Variants in ABHD3 observed in about 807,000 individuals in gnomAD.
ABHD3 encodes the protein phospholipase ABHD3.
A neutral mutation model predicts 48.8 loss-of-function variants in ABHD3; 46 were observed. That is an observed-to-expected ratio of 0.94 (90% confidence interval 0.74 to 1.20). ABHD3 has a LOEUF of 1.20. Among genes scored for constraint, ABHD3 ranks in the 50% most tolerant of loss-of-function variants. The probability of loss-of-function intolerance (pLI) is 0.00; values close to 1 mark genes in which losing one functional copy is unlikely to be tolerated. For missense variants in ABHD3, 490 were observed against 497.8 expected, an observed-to-expected ratio of 0.98 and a Z score of 0.15; for synonymous variants, 192 against 183.7, an observed-to-expected ratio of 1.04 and a Z score of -0.36.
rs372339250 is a variant in ABHD3 at position 21,692,510 on chromosome 18, G to A, written c.510-8545C>T. Among the ~76,000 whole-genome samples the A allele has an allele frequency of 5.7e-4, 84 of 148,166 alleles. 2 individuals carry two copies. The South Asian group carries it at 0.019, about 33-fold the overall frequency. On this transcript the variant is annotated intron_variant, in intron 3 of 8. Transcript: ENST00000289119. Reference sequence around the variant, plus strand: ...TTCTTGCTGATCATAAGTTCTAAGCGGCCCTATGAATTTTTTTAAAAAAAG... The same window carrying A: ...TTCTTGCTGATCATAAGTTCTAAGCAGCCCTATGAATTTTTTTAAAAAAAG...
intron 3 of ABHD3, among the ~76,000 whole-genome samples, chr18:21,697,706 T>C (rs1168593546): frequency 6.6e-6 from 1 of 152,206 alleles, no homozygotes; most frequent in Non-Finnish European, 1.5e-5. Flanking sequence ...TTGACTTACA[T>C]AGTAAAGCGT....
chr18:21,667,889 G>A (rs893325739), intron 4 of ABHD3, among the ~76,000 whole-genome samples: 4 of 152,012 alleles, frequency 2.6e-5, no homozygotes, highest in Non-Finnish European at 4.4e-5. Context: ...CAAATTCAAC[G>A]TAAAATCTAA....
intron 5 of ABHD3, among the ~76,000 whole-genome samples, chr18:21,661,592 C>T (rs189401527): frequency 3.9e-5 from 6 of 152,108 alleles, no homozygotes; most frequent in Non-Finnish European, 7.4e-5. Context: ...GATCGCACCA[C>T]TGCACTCCAG....
At chr18:21,675,442 T>C (rs1394406867) in intron 4 of ABHD3, among the ~76,000 whole-genome samples, 1 of 151,866 alleles carries the variant, frequency 6.6e-6, no homozygotes, top group African/African-American at 2.4e-5. Flanking sequence ...CTAATTTTTG[T>C]GTTTTTAGTA....
rs1005314620 is a variant in ABHD3 at position 21,670,193 on chromosome 18, C to A, written c.556-5963G>T. Among the ~76,000 whole-genome samples the A allele has an allele frequency of 2.0e-5, 3 of 152,072 alleles. 1 individual carries two copies. The highest frequency in any genetic ancestry group is 2.0e-4 in the Admixed American group (3 of 15,246). On this transcript the variant is annotated intron_variant, in intron 4 of 8. Coordinates refer to ENST00000289119, the MANE Select transcript of ABHD3 (RefSeq NM_138340.5). ...CTTCTGGTCTGCCCTAAGTGCAGTT[C>A]CAGCAGGCTCCGATGGCTAGAGAAG...
At chr18:21,662,426 CTATT>C (rs1417964330) in intron 5 of ABHD3, 2 of 152,140 alleles carry the variant, frequency 1.3e-5, no homozygotes, top group Non-Finnish European at 2.9e-5. Flanking sequence ...GAGATACCAA[CTATT>C]TATAAGTGAT....
chr18:21,671,935 CCAA>C (rs2039766707), intron 4 of ABHD3, among the ~76,000 whole-genome samples: 1 of 151,990 alleles, frequency 6.6e-6, no homozygotes, highest in South Asian at 2.1e-4. Flanking sequence ...CCATGCCTGG[CCAA>C]CAACAGTAAT....
chr18:21,657,467 T>C (rs573005765), intron 6 of ABHD3, among the ~76,000 whole-genome samples: 2 of 151,596 alleles, frequency 1.3e-5, no homozygotes, highest in South Asian at 2.1e-4. Context: ...AGCCCCAGAG[T>C]AGCTGGGACT....
At chr18:21,660,517 A>T (rs1327986523) in intron 5 of ABHD3, among the ~76,000 whole-genome samples, 1 of 152,230 alleles carries the variant, frequency 6.6e-6, no homozygotes, top group African/African-American at 2.4e-5. Context: ...AATCATGTCT[A>T]ATCTACATAC....
chr18:21,690,122 TA>T (rs944639381), intron 3 of ABHD3, among the ~76,000 whole-genome samples: 67 of 144,802 alleles, frequency 4.6e-4, no homozygotes, highest in African/African-American at 5.0e-4. Flanking sequence ...GTAAAGAATT[TA>T]AAAAAAAAAA....
At chr18:21,659,553 G>A (rs1669933782) in intron 5 of ABHD3, among the ~76,000 whole-genome samples, 1 of 152,096 alleles carries the variant, frequency 6.6e-6, no homozygotes, top group African/African-American at 2.4e-5. Flanking sequence ...TGGTAAATGG[G>A]ACAAATCATA....
rs2040528717 is a variant in ABHD3 at position 21,702,236 on chromosome 18, T to C, written c.509+80A>G. 5 of 1,254,010 alleles carry C rather than the reference T, an allele frequency of 4.0e-6. No individual in the cohort carries two copies. In the African/African-American group the frequency reaches 7.6e-5, roughly 19 times the overall value. The allele number at this position is 1,254,010 out of a possible 1,614,324, so 77.7% of individuals were successfully genotyped here. ...TTTTCTATGCAAGAAGTACTAAGTA[T>C]TTCTGAAACAAACATGTAGATATAT... is the stretch of plus-strand genomic sequence containing the variant. On this transcript the variant is annotated intron_variant, in intron 3 of 8. Transcript: ENST00000289119.
At chr18:21,704,205 C>T (rs1170348017) in intron 1 of ABHD3, among the ~76,000 whole-genome samples, 3 of 152,230 alleles carry the variant, frequency 2.0e-5, no homozygotes, top group Non-Finnish European at 4.4e-5. Flanking sequence ...TTTTCAAAAG[C>T]GCCACGGCGT....
chr18:21,703,902 C>CTG (rs1239231770), intron 1 of ABHD3, 155 bp from the exon 2 acceptor site: 1 of 743,718 alleles, frequency 1.3e-6, no homozygotes, highest in Non-Finnish European at 2.1e-6. Context: ...TCACAGAGGA[C>CTG]TGAAACGGGG....
intron 8 of ABHD3, among the ~76,000 whole-genome samples, chr18:21,656,531 A>C (rs2146279511): frequency 6.6e-6 from 1 of 152,358 alleles, no homozygotes; most frequent in South Asian, 2.1e-4. Context: ...CTCAGGAAGA[A>C]GAGGCAAGTG....
intron 4 of ABHD3, among the ~76,000 whole-genome samples, chr18:21,667,143 G>A (rs967563757): frequency 8.7e-5 from 13 of 149,690 alleles, no homozygotes; most frequent in East Asian, 2.0e-4. Flanking sequence ...GTGCGATCTC[G>A]GCTGACTGCA....
intron 5 of ABHD3, among the ~76,000 whole-genome samples, chr18:21,659,796 G>A (rs548382050): frequency 1.3e-5 from 2 of 151,914 alleles, no homozygotes; most frequent in Non-Finnish European, 2.9e-5. Flanking sequence ...AGCCTCCCGC[G>A]TAGCTGGGAT....
rs193255824 is a variant in ABHD3 at position 21,695,695 on chromosome 18, A to G, written c.509+6621T>C. On this transcript the variant is annotated intron_variant, in intron 3 of 8. Transcript: ENST00000289119. ...AATAAAAGCAGCTTAGGTTCCTGAC[A>G]CTGACATGTGCCATACAAGCCGTGA... 1.9e-3 allele frequency among the ~76,000 whole-genome samples: 295 copies of G among 152,238 alleles called. 1 individual carries two copies. The highest frequency in any genetic ancestry group is 2.3e-3 in the Non-Finnish European group (159 of 68,006).
intron 5 of ABHD3, among the ~76,000 whole-genome samples, chr18:21,663,406 A>G (rs2039546550): frequency 6.6e-6 from 1 of 151,958 alleles, no homozygotes; most frequent in South Asian, 2.1e-4. Context: ...AAAGCTTAGT[A>G]AAATTCCCGA....
Sources: allele counts gnomAD v4.1 joint callset (sites outside exome capture counted in the v4.1 genomes callset), GRCh38; gene constraint gnomAD v4.1.1; transcripts MANE v1.5; gene names NCBI Gene and HGNC (gene_info 2026-07-23, HGNC 2026-07-21).